Variants in HEATR5B observed in about 807,000 individuals in gnomAD.
The protein encoded by HEATR5B is HEAT repeat containing 5B, also known as HEAT repeat-containing protein 5B.
HEATR5B carries 156 observed loss-of-function variants against 224.1 expected under a neutral mutation model. The observed-to-expected ratio is 0.70, with a 90% CI of 0.61 to 0.80. The LOEUF (loss-of-function observed/expected upper bound fraction) is 0.80. Ranked by LOEUF, HEATR5B falls within the 30% of genes least tolerant of loss-of-function variation. The pLI, the probability that HEATR5B is intolerant of heterozygous loss-of-function variation, is 0.00. For missense variants in HEATR5B, 2,323 were observed against 2,535.5 expected, an observed-to-expected ratio of 0.92 and a Z score of 1.80; for synonymous variants, 1,027 against 893.0, an observed-to-expected ratio of 1.15 and a Z score of -2.68.
At chr2:36,986,914 G>A (rs1665986243) in intron 35 of HEATR5B, among the ~76,000 whole-genome samples, 1 of 152,042 alleles carries the variant, frequency 6.6e-6, no homozygotes. Flanking sequence ...ACCGCGTGCA[G>A]CTAATTTTTT....
intron 26 of HEATR5B, among the ~76,000 whole-genome samples, chr2:37,016,025 G>A (rs1275359659): frequency 1.3e-5 from 2 of 151,464 alleles, no homozygotes; most frequent in Non-Finnish European, 2.9e-5. Flanking sequence ...CAAGTGCAGT[G>A]ACAATGGAGC....
chr2:37,055,060 A>T (rs1490988705), intron 16 of HEATR5B: 2 of 392,318 alleles, frequency 5.1e-6, no homozygotes, highest in Non-Finnish European at 5.3e-6. Flanking sequence ...ACTTTAAAAA[A>T]TTCTTAAAAG....
At chr2:37,008,384 G>T (rs577305345) in intron 28 of HEATR5B, 6 of 569,868 alleles carry the variant, frequency 1.1e-5, no homozygotes, top group Admixed American at 6.1e-5. Context: ...AGCTATTATT[G>T]TAACAGTGCT....
Position 37,028,164 on chromosome 2 carries a change from A to G in HEATR5B, c.3612T>C (p.Thr1204=). The G allele has an allele frequency of 6.2e-7, 1 of 1,602,662 alleles. No homozygotes were observed. Among genetic ancestry groups the G allele is most frequent in the Non-Finnish European group, 8.5e-7 (1 of 1,169,836 alleles). The change falls in exon 24 of 36, where the codon ACT becomes ACC. Residue 1204 remains threonine, a synonymous_variant. Coordinates refer to ENST00000233099, the MANE Select transcript of HEATR5B (RefSeq NM_019024.3). ...DVLAASSDMS[T]ATLLSSGKDE... Reference sequence around the variant, plus strand: ...CTTTTCCACTACTTAAGAGAGTTGCAGTACTCATATCTATAACAAGAATAA... The same window carrying G: ...CTTTTCCACTACTTAAGAGAGTTGCGGTACTCATATCTATAACAAGAATAA...
chr2:37,006,612 G>A (rs1464925691), intron 29 of HEATR5B, among the ~76,000 whole-genome samples: 5 of 152,200 alleles, frequency 3.3e-5, no homozygotes, highest in South Asian at 2.1e-4. Context: ...CTGCACTCCA[G>A]CCTGGGCAAC....
chr2:36,985,385 C>G (rs972187019), intron 35 of HEATR5B, among the ~76,000 whole-genome samples: 1 of 149,858 alleles, frequency 6.7e-6, no homozygotes, highest in African/African-American at 2.5e-5. Flanking sequence ...TGTTAGAGTA[C>G]AAAACATCTG....
chr2:37,057,522 T>C lies in HEATR5B; in HGVS notation c.2060-42A>G, dbSNP rs1670988891. On this transcript the variant is annotated intron_variant, in intron 14 of 35. Coordinates refer to ENST00000233099, the MANE Select transcript of HEATR5B (RefSeq NM_019024.3). ...CAGATCAGATTAAAAAGAATAATTTTTGTGAAAATTATAATCATTGCCCAC... is the reference window on the plus strand; with the variant it reads ...CAGATCAGATTAAAAAGAATAATTTCTGTGAAAATTATAATCATTGCCCAC... 7 of 1,427,196 alleles carry C rather than the reference T, an allele frequency of 4.9e-6. No individual in the cohort carries two copies. The East Asian group carries it at 1.7e-4, about 35-fold the overall frequency. The allele number at this position is 1,427,196 out of a possible 1,614,324, so 88.4% of individuals were successfully genotyped here. A position where few individuals can be genotyped will look rare whatever the true frequency, so the allele number is the denominator to read the frequency against.
chr2:37,037,819 CTTAAAAA>C, intron 21 of HEATR5B, 29 bp downstream of exon 21: 1 of 1,399,524 alleles, frequency 7.1e-7, no homozygotes, highest in Admixed American at 2.6e-5. Flanking sequence ...TAAAATACAA[CTTAAAAA>C]TCAATGAATG....
intron 35 of HEATR5B, among the ~76,000 whole-genome samples, chr2:36,985,621 CTTT>C (rs558499229): frequency 2.8e-4 from 26 of 92,316 alleles, no homozygotes; most frequent in Admixed American, 4.7e-4. Flanking sequence ...CCACTCCTGG[CTTT>C]TTTTTTTTTT....
At chr2:36,995,955 G>A (rs1348416237) in intron 33 of HEATR5B, among the ~76,000 whole-genome samples, 3 of 151,134 alleles carry the variant, frequency 2.0e-5, no homozygotes, top group Non-Finnish European at 4.4e-5. Context: ...GTGCGATCTG[G>A]GCTCACTGCA....
intron 21 of HEATR5B, among the ~76,000 whole-genome samples, chr2:37,033,414 C>T (rs571527500): frequency 1.5e-4 from 23 of 152,146 alleles, no homozygotes; most frequent in African/African-American, 5.3e-4. Flanking sequence ...TACACATGGT[C>T]CTATTCAACT....
At chr2:37,062,676 A>T (rs969897513) in intron 10 of HEATR5B, among the ~76,000 whole-genome samples, 3 of 152,242 alleles carry the variant, frequency 2.0e-5, no homozygotes, top group Non-Finnish European at 2.9e-5. Context: ...GCAAGGATAA[A>T]ATAAGTTAAT....
At chr2:37,081,089 C>T (rs1478737176) in intron 2 of HEATR5B, among the ~76,000 whole-genome samples, 1 of 152,066 alleles carries the variant, frequency 6.6e-6, no homozygotes, top group Non-Finnish European at 1.5e-5. Flanking sequence ...GAATACTGAC[C>T]ACTGTTCTGG....
chr2:37,049,823 A>C lies in HEATR5B; in HGVS notation c.2526T>G (p.Ser842Arg). ...TACGAACTTCCTCAGGTCCTAAAGT[A>C]CTTTTGTTTTCAGCTAAGCCCTACA... ...SALKGLAENK[S>R]TLGPEEVRKS... The change falls in exon 18 of 36, where the codon AGT becomes AGG. Residue 842 changes from serine to arginine, a missense_variant. Coordinates refer to ENST00000233099, the MANE Select transcript of HEATR5B (RefSeq NM_019024.3). 2 of 1,544,170 alleles carry C rather than the reference A, an allele frequency of 1.3e-6. No homozygotes were observed. The highest frequency in any genetic ancestry group is 1.7e-6 in the Non-Finnish European group (2 of 1,146,906).
At chr2:37,054,192 G>GT (rs70946964) in intron 16 of HEATR5B, among the ~76,000 whole-genome samples, 1,747 of 30,230 alleles carry the variant, frequency 0.058, 40 homozygotes, top group Middle Eastern at 0.088. Context: ...TGATTTCTCT[G>GT]TTTTTTTTTT....
At chr2:37,029,405 T>C (rs941241439) in intron 22 of HEATR5B, among the ~76,000 whole-genome samples, 1 of 152,244 alleles carries the variant, frequency 6.6e-6, no homozygotes, top group Non-Finnish European at 1.5e-5. Flanking sequence ...GGCTCACGCC[T>C]GTAATCCCAG....
chr2:37,053,239 T>C (rs1029115925), intron 17 of HEATR5B, among the ~76,000 whole-genome samples: 3 of 152,236 alleles, frequency 2.0e-5, no homozygotes, highest in African/African-American at 7.2e-5. Flanking sequence ...CAAACATCTT[T>C]GAAAATTCTG....
chr2:36,991,495 CAAAAAA>C (rs56351937), intron 33 of HEATR5B, among the ~76,000 whole-genome samples: 3 of 101,322 alleles, frequency 3.0e-5, no homozygotes, highest in Non-Finnish European at 6.3e-5. Context: ...AACTCTGTCT[CAAAAAA>C]AAAAAAAAAA....
At chr2:37,048,205 G>A (rs1232777550) in intron 18 of HEATR5B, among the ~76,000 whole-genome samples, 1 of 145,968 alleles carries the variant, frequency 6.9e-6, no homozygotes, top group Non-Finnish European at 1.5e-5. Context: ...TTTTTTTTGA[G>A]ACAGAGTTTC....
Sources: allele counts gnomAD v4.1 joint callset (sites outside exome capture counted in the v4.1 genomes callset), GRCh38; gene constraint gnomAD v4.1.1; transcripts MANE v1.5; gene names NCBI Gene and HGNC (gene_info 2026-07-23, HGNC 2026-07-21).